The following DHRSX variants were observed in gnomAD, a reference collection of about 807,000 sequenced individuals.
The protein encoded by DHRSX is dehydrogenase/reductase X-linked.
Under a neutral mutation model 34.0 loss-of-function variants are expected in DHRSX, and 31 were observed. The observed-to-expected ratio is 0.91, with a 90% CI of 0.69 to 1.23. The LOEUF (loss-of-function observed/expected upper bound fraction) is 1.23. Ranked by LOEUF, DHRSX falls within the 50% of genes most tolerant of loss-of-function variation. DHRSX has a pLI of 0.00. For missense variants in DHRSX, 414 were observed against 428.1 expected, an observed-to-expected ratio of 0.97 and a Z score of 0.29; for synonymous variants, 201 against 183.8, an observed-to-expected ratio of 1.09 and a Z score of -0.76.
At chrX:2,352,978 T>C (rs2042805928) in intron 3 of DHRSX, among the ~76,000 whole-genome samples, 1 of 152,158 alleles carries the variant, frequency 6.6e-6, no homozygotes, top group Non-Finnish European at 1.5e-5. Context: ...CAGTGGCTCC[T>C]GCCTGTAGTC....
intron 2 of DHRSX, among the ~76,000 whole-genome samples, chrX:2,415,532 A>G (rs2043682159): frequency 6.6e-6 from 1 of 151,970 alleles, no homozygotes; most frequent in South Asian, 2.1e-4. Context: ...ATTCAATTAG[A>G]TCTCATCATG....
At chrX:2,336,467 T>C (rs1236039251) in intron 3 of DHRSX, 2 of 152,200 alleles carry the variant, frequency 1.3e-5, no homozygotes, top group Non-Finnish European at 2.9e-5. Context: ...ACAGGTTGTG[T>C]TGCCAGCAAA....
At chrX:2,391,358 C>T (rs1407858365) in intron 3 of DHRSX, among the ~76,000 whole-genome samples, 2 of 152,162 alleles carry the variant, frequency 1.3e-5, no homozygotes, top group Non-Finnish European at 2.9e-5. Context: ...ATACAAGTGA[C>T]CTGCCCTCAG....
intron 3 of DHRSX, among the ~76,000 whole-genome samples, chrX:2,295,327 A>G (rs2041919160): frequency 6.6e-6 from 1 of 152,226 alleles, no homozygotes; most frequent in Non-Finnish European, 1.5e-5. Flanking sequence ...TCACAGGAAC[A>G]GAAAACCAAA....
In DHRSX at chrX:2,378,150, C is replaced by T. The variant is rs148604028; in HGVS notation, c.286+30595G>A. 3.2e-3 allele frequency among the ~76,000 whole-genome samples: 495 copies of T among 152,324 alleles called. 7 individuals carry two copies. The highest frequency in any genetic ancestry group is 0.011 in the African/African-American group (476 of 41,576). On this transcript the variant is annotated intron_variant, in intron 3 of 6. Transcript: ENST00000334651. ...GTGACTGGAAGGTTGTATTTCCACC[C>T]GGATGTGTTGGCTTTCTGCTCCAGG...
At chrX:2,484,894 A>G (rs918415308) in intron 1 of DHRSX, among the ~76,000 whole-genome samples, 2 of 152,092 alleles carry the variant, frequency 1.3e-5, no homozygotes, top group Admixed American at 6.5e-5. Context: ...GTCACCACCG[A>G]GATTTCGGCA....
At chrX:2,405,507 TC>T (rs2043541839) in intron 3 of DHRSX, among the ~76,000 whole-genome samples, 2 of 143,308 alleles carry the variant, frequency 1.4e-5, no homozygotes, top group African/African-American at 5.2e-5. Flanking sequence ...ATAATAATCG[TC>T]ATCATCATCA....
intron 3 of DHRSX, among the ~76,000 whole-genome samples, chrX:2,309,138 G>C (rs2042134780): frequency 6.6e-6 from 1 of 152,024 alleles, no homozygotes; most frequent in Admixed American, 6.6e-5. Flanking sequence ...GGTCTAATCA[G>C]ACCAATAGCT....
intron 1 of DHRSX, among the ~76,000 whole-genome samples, chrX:2,476,946 G>A (rs764745543): frequency 6.6e-6 from 1 of 152,188 alleles, no homozygotes; most frequent in South Asian, 2.1e-4. Context: ...AGGCTGCAGT[G>A]AGCCGAGATC....
intron 5 of DHRSX, among the ~76,000 whole-genome samples, chrX:2,256,070 T>C (rs1389597417): frequency 2.0e-5 from 3 of 148,846 alleles, no homozygotes; most frequent in Admixed American, 6.7e-5. Flanking sequence ...TCTTGGCTCA[T>C]TGCAACCTCC....
At chrX:2,398,120 T>C (rs756810409) in intron 3 of DHRSX, among the ~76,000 whole-genome samples, 46 of 152,272 alleles carry the variant, frequency 3.0e-4, no homozygotes, top group African/African-American at 1.1e-3. Context: ...CAGACCCTTG[T>C]AGGTGAACAG....
chrX:2,429,683 G>A (rs781695032), intron 1 of DHRSX, among the ~76,000 whole-genome samples: 181 of 151,796 alleles, frequency 1.2e-3, no homozygotes, highest in African/African-American at 4.1e-3. Context: ...CTTGATCTCC[G>A]GGGCTCAAGT....
At chrX:2,283,481 C>T (rs1353794462) in intron 4 of DHRSX, among the ~76,000 whole-genome samples, 3 of 152,128 alleles carry the variant, frequency 2.0e-5, no homozygotes, top group Non-Finnish European at 4.4e-5. Context: ...CAACACTTTC[C>T]GTCTTCCCGG....
chrX:2,327,010 G>A (rs770351877), intron 3 of DHRSX, among the ~76,000 whole-genome samples: 2 of 152,056 alleles, frequency 1.3e-5, no homozygotes, highest in South Asian at 2.1e-4. Context: ...ATGGGGTTTC[G>A]CCATGTTGGC....
chrX:2,236,946 C>T (rs1266439306), intron 6 of DHRSX, among the ~76,000 whole-genome samples: 3 of 151,728 alleles, frequency 2.0e-5, no homozygotes, highest in Admixed American at 6.6e-5. Flanking sequence ...CCCAGCACTT[C>T]GGCAGGCCGA....
intron 2 of DHRSX, among the ~76,000 whole-genome samples, chrX:2,424,615 A>G: frequency 6.6e-6 from 1 of 152,312 alleles, no homozygotes; most frequent in Non-Finnish European, 1.5e-5. Context: ...TAGTAAAGTC[A>G]TAAAGATATA....
intron 3 of DHRSX, among the ~76,000 whole-genome samples, chrX:2,393,712 CA>C (rs1275447898): frequency 1.4e-5 from 2 of 143,024 alleles, no homozygotes; most frequent in African/African-American, 5.2e-5. Context: ...ACACACGACA[CA>C]CAGGGACCTC....
Position 2,317,404 on chromosome X carries a change from G to A in DHRSX, c.287-25801C>T, listed in dbSNP as rs942994306. ...GTAGCTGGGATTACAGGCATGCAAC[G>A]CCACGCCCTGCTATTTTTTTTATTT... On this transcript the variant is annotated intron_variant, in intron 3 of 6. Coordinates refer to ENST00000334651, the MANE Select transcript of DHRSX (RefSeq NM_145177.3). 2.4e-3 allele frequency among the ~76,000 whole-genome samples: 356 copies of A among 151,142 alleles called. 3 individuals are homozygous for A. Among genetic ancestry groups the A allele is most frequent in the Non-Finnish European group, 3.8e-3 (255 of 67,810 alleles).
intron 1 of DHRSX, among the ~76,000 whole-genome samples, chrX:2,491,068 T>TTG: frequency 8.6e-6 from 1 of 115,628 alleles, no homozygotes; most frequent in Non-Finnish European, 1.9e-5. Context: ...TGCCTTTAGT[T>TTG]TTTTTTTTTT....
Sources: allele counts gnomAD v4.1 joint callset (sites outside exome capture counted in the v4.1 genomes callset), GRCh38; gene constraint gnomAD v4.1.1; transcripts MANE v1.5; gene names NCBI Gene and HGNC (gene_info 2026-07-23, HGNC 2026-07-21).